Variants in ACVR1 observed in about 807,000 individuals in gnomAD.
The protein encoded by ACVR1 is activin A receptor type 1, also known as activin receptor type-1.
ACVR1 carries 38 observed loss-of-function variants against 57.1 expected under a neutral mutation model. That is an observed-to-expected ratio of 0.67 (90% CI 0.51 to 0.87). The LOEUF is 0.87. Among genes scored for constraint, ACVR1 ranks in the 40% least tolerant of loss-of-function variants. ACVR1 has a pLI of 0.00. For synonymous variants in ACVR1, 212 were observed against 228.1 expected (o/e 0.93, Z 0.63); for missense variants, 463 against 638.2 (o/e 0.73, Z 2.96).
chr2:157,777,031 A>C lies in ACVR1; in HGVS notation c.543+1100T>G, dbSNP rs80097405. Among the ~76,000 whole-genome samples, 974 of 152,338 alleles carry C rather than the reference A, an allele frequency of 6.4e-3. 2 individuals carry two copies. The highest frequency in any genetic ancestry group is 0.011 in the Non-Finnish European group (720 of 68,028). ...CCACAAATCTCAAATTTTTCAGAGT[A>C]GGCATCAGACTCAGCATAATATCCA... On this transcript the variant is annotated intron_variant, in intron 5 of 10. Transcript: ENST00000434821.
Position 157,850,454 on chromosome 2 carries a change from C to T in ACVR1, c.-183+25342G>A, listed in dbSNP as rs1689256214. On this transcript the variant is annotated intron_variant, in intron 1 of 10. Transcript: ENST00000434821. ...GACTCAGACCAAGTCCCAGGCAAGA[C>T]TTGAGAATGTATTTTAAACACTTAG... is the stretch of plus-strand genomic sequence containing the variant. 2.6e-5 allele frequency among the ~76,000 whole-genome samples: 4 copies of T among 150,984 alleles called. No individual in the cohort carries two copies. The South Asian group carries it at 8.3e-4, about 31-fold the overall frequency.
At chr2:157,848,333 C>T (rs983373995) in intron 1 of ACVR1, among the ~76,000 whole-genome samples, 1 of 152,140 alleles carries the variant, frequency 6.6e-6, no homozygotes, top group African/African-American at 2.4e-5. Flanking sequence ...CTCTTGGAAC[C>T]CAGCCGCCAT....
chr2:157,862,424 C>T (rs1424095157), intron 1 of ACVR1, among the ~76,000 whole-genome samples: 1 of 12,176 alleles, frequency 8.2e-5, no homozygotes, highest in Non-Finnish European at 1.3e-3. Context: ...TATACACATA[C>T]ACACACACAC....
At chr2:157,844,725 C>A (rs979863796) in intron 1 of ACVR1, among the ~76,000 whole-genome samples, 2 of 152,144 alleles carry the variant, frequency 1.3e-5, no homozygotes, top group African/African-American at 2.4e-5. Flanking sequence ...CTGCTGTGGT[C>A]TGAATGTTGG....
intron 2 of ACVR1, among the ~76,000 whole-genome samples, chr2:157,816,012 C>T (rs1389796614): frequency 1.3e-5 from 2 of 152,126 alleles, no homozygotes; most frequent in African/African-American, 4.8e-5. Flanking sequence ...GGACACTAGG[C>T]AGGCATTACT....
chr2:157,777,758 CA>C (rs921820204), intron 5 of ACVR1, among the ~76,000 whole-genome samples: 42 of 152,242 alleles, frequency 2.8e-4, no homozygotes, highest in African/African-American at 9.9e-4. Flanking sequence ...TAATATTCAG[CA>C]AAAGGTGCCT....
chr2:157,858,689 G>A (rs148019857), intron 1 of ACVR1, among the ~76,000 whole-genome samples: 1,636 of 152,054 alleles, frequency 0.011, 28 homozygotes, highest in African/African-American at 0.037. Flanking sequence ...CACCATGTTG[G>A]CCAGGCTGGT....
At chr2:157,829,140 G>C (rs1688498107) in intron 1 of ACVR1, among the ~76,000 whole-genome samples, 1 of 152,312 alleles carries the variant, frequency 6.6e-6, no homozygotes, top group East Asian at 1.9e-4. Context: ...GTACGAAAAT[G>C]TACAAACAGA....
chr2:157,818,460 T>A lies in ACVR1; in HGVS notation c.-83A>T, dbSNP rs1161506492. 6.6e-6 allele frequency: 1 copy of A among 152,242 alleles called. No individual in the cohort carries two copies. Among genetic ancestry groups the A allele is most frequent in the Non-Finnish European group, 1.5e-5 (1 of 68,076 alleles). 9.4% of individuals were successfully genotyped at this position (152,242 alleles called of 1,614,324 possible). On this transcript the variant is annotated 5_prime_UTR_variant, in exon 2 of 11. Transcript: ENST00000434821. ...CCCTCGTTCAGAGCTTCTCTCACTCTGGTCACTGGGGTACTCGGAGAGTAG... is the reference window on the plus strand; with the variant it reads ...CCCTCGTTCAGAGCTTCTCTCACTCAGGTCACTGGGGTACTCGGAGAGTAG...
chr2:157,818,959 T>C (rs906507999), intron 1 of ACVR1, among the ~76,000 whole-genome samples: 1 of 148,752 alleles, frequency 6.7e-6, no homozygotes, highest in African/African-American at 2.5e-5. Context: ...GCGCCTGTAG[T>C]CCCAGCTACT....
chr2:157,872,744 T>C (rs963270904), intron 1 of ACVR1, among the ~76,000 whole-genome samples: 1 of 152,248 alleles, frequency 6.6e-6, no homozygotes, highest in African/African-American at 2.4e-5. Flanking sequence ...GTAATCATTA[T>C]GTTAATGGTT....
intron 8 of ACVR1, among the ~76,000 whole-genome samples, chr2:157,761,300 A>ATTCCT (rs1685645481): frequency 6.6e-6 from 1 of 152,212 alleles, no homozygotes; most frequent in South Asian, 2.1e-4. Flanking sequence ...TCAGGTTAAT[A>ATTCCT]TATGAACCTC....
At chr2:157,814,781 G>A (rs1280822117) in intron 2 of ACVR1, among the ~76,000 whole-genome samples, 1 of 152,058 alleles carries the variant, frequency 6.6e-6, no homozygotes, top group Non-Finnish European at 1.5e-5. Flanking sequence ...TGGAATACCA[G>A]GTATTTACTA....
At chr2:157,764,364 T>G (rs886862232) in intron 8 of ACVR1, among the ~76,000 whole-genome samples, 2 of 121,062 alleles carry the variant, frequency 1.7e-5, no homozygotes, top group African/African-American at 8.2e-5. Context: ...ATTATTTTTC[T>G]TTTTTTTTTT....
At chr2:157,771,579 A>G (rs1686071559) in intron 6 of ACVR1, among the ~76,000 whole-genome samples, 1 of 152,214 alleles carries the variant, frequency 6.6e-6, no homozygotes. Flanking sequence ...GGAATCACAC[A>G]GCTTCTAATA....
intron 9 of ACVR1, among the ~76,000 whole-genome samples, chr2:157,752,991 A>C (rs541829947): frequency 9.2e-5 from 14 of 152,224 alleles, no homozygotes; most frequent in Non-Finnish European, 1.9e-4. Flanking sequence ...AAATGGCCTA[A>C]ATGCTCCACT....
intron 9 of ACVR1, among the ~76,000 whole-genome samples, chr2:157,754,756 C>T (rs567638886): frequency 3.4e-4 from 51 of 152,236 alleles, no homozygotes; most frequent in African/African-American, 1.2e-3. Flanking sequence ...CTAAATCATT[C>T]TATAAAGCCA....
Position 157,770,330 on chromosome 2 carries a change from C to G in ACVR1, c.790+38G>C, listed in dbSNP as rs773180366. On this transcript the variant is annotated intron_variant, in intron 7 of 10. Transcript: ENST00000434821. ...AGCAAAGGCAGACAATTGTTTCTCCCTAGATACAATTAATGAGGGGGTTAT... is the reference window on the plus strand; with the variant it reads ...AGCAAAGGCAGACAATTGTTTCTCCGTAGATACAATTAATGAGGGGGTTAT... The G allele has an allele frequency of 5.0e-5, 80 of 1,607,900 alleles. No homozygotes were observed. The South Asian group carries it at 7.9e-4, about 16-fold the overall frequency.
At chr2:157,870,622 T>C (rs1344980795) in intron 1 of ACVR1, among the ~76,000 whole-genome samples, 1 of 152,186 alleles carries the variant, frequency 6.6e-6, no homozygotes, top group Non-Finnish European at 1.5e-5. Flanking sequence ...AGTAAAGTAA[T>C]TGATTCACTG....
Sources: gnomAD v4.1 joint callset for allele counts (sites outside exome capture counted in the v4.1 genomes callset) on GRCh38, gnomAD v4.1.1 for gene constraint, MANE v1.5 for transcripts, NCBI Gene and HGNC (gene_info 2026-07-23, HGNC 2026-07-21) for gene names.